The following TGFB1 variants were observed in gnomAD, a reference collection of about 807,000 sequenced individuals.
TGFB1 encodes transforming growth factor beta 1, also known as transforming growth factor beta-1 proprotein.
In TGFB1, 19 loss-of-function variants were observed where a neutral mutation model predicts 43.8. The ratio of observed to expected loss-of-function variants is 0.43; its 90% CI spans 0.30 to 0.64. The LOEUF is 0.64. TGFB1 is among the 30% of genes least tolerant of loss of function. The pLI is 0.11. For synonymous variants in TGFB1, 221 were observed against 236.3 expected (o/e 0.94, Z 0.60); for missense variants, 445 against 529.8 (o/e 0.84, Z 1.57).
At chr19:41,331,952 C>T (rs1003867513) in intron 6 of TGFB1, 176 bp downstream of exon 6, 18 of 861,542 alleles carry the variant, frequency 2.1e-5, no homozygotes, top group African/African-American at 1.2e-4. Flanking sequence ...CTCAGAGCCC[C>T]TCTCTAGCTT....
intron 3 of TGFB1, among the ~76,000 whole-genome samples, chr19:41,343,685 A>G (rs1010065971): frequency 6.6e-6 from 1 of 152,060 alleles, no homozygotes; most frequent in Non-Finnish European, 1.5e-5. Context: ...CCTTGACAAG[A>G]TCTCTTAGGT....
At chr19:41,342,390 C>CTTT (rs55678429) in intron 3 of TGFB1, 143 bp from the exon 4 acceptor site, 27 of 432,286 alleles carry the variant, frequency 6.2e-5, no homozygotes, top group Middle Eastern at 6.5e-4. Context: ...GCAGCTCTCT[C>CTTT]TTTTTTTTTT....
chr19:41,331,315 G>A, intron 6 of TGFB1, 105 bp from the exon 7 acceptor site: 2 of 1,335,792 alleles, frequency 1.5e-6, no homozygotes, highest in Non-Finnish European at 2.0e-6. Context: ...CTCTCACTTC[G>A]TCTCTCCCCG....
At chr19:41,338,496 CA>C (rs377737422) in intron 5 of TGFB1, among the ~76,000 whole-genome samples, 1,709 of 119,566 alleles carry the variant, frequency 0.014, 26 homozygotes, top group African/African-American at 0.041. Context: ...AACTCCGTCT[CA>C]AAAAAAAAAA....
At chr19:41,332,493 T>C (rs1416369465) in intron 5 of TGFB1, among the ~76,000 whole-genome samples, 1 of 152,132 alleles carries the variant, frequency 6.6e-6, no homozygotes, top group East Asian at 1.9e-4. Flanking sequence ...CTAAGAGCAA[T>C]GTAATAATTA....
intron 1 of TGFB1, 86 bp from the exon 2 acceptor site, chr19:41,348,541 T>C (rs2038144468): frequency 7.3e-7 from 1 of 1,367,400 alleles, no homozygotes; most frequent in Non-Finnish European, 1.0e-6. Flanking sequence ...GTTTTGGAGC[T>C]GACAGCTCTG....
At chr19:41,340,360 G>A (rs1204946046) in intron 5 of TGFB1, among the ~76,000 whole-genome samples, 1 of 150,354 alleles carries the variant, frequency 6.7e-6, no homozygotes, top group East Asian at 1.9e-4. Context: ...AGGTTCCAGT[G>A]ATTCTCCTGC....
At position 41,331,181 on chromosome 19, in the gene TGFB1, C is replaced by G; in HGVS notation, c.1044G>C (p.Pro348=). The change falls in exon 7 of 7, where the codon CCG becomes CCC. Residue 348 remains proline (P), a synonymous_variant. Transcript: ENST00000221930. ...CGCAGCACGGCGCCGCCGAGGCGCC[C>G]GGGTTATGCTGGTTGTACAGGGCCA... ...KVLALYNQHN[P]GASAAPCCVP... 6.5e-7 allele frequency: 1 copy of G among 1,545,840 alleles called. No homozygotes were observed. The highest frequency in any genetic ancestry group is 8.7e-7 in the Non-Finnish European group (1 of 1,147,966).
At chr19:41,338,657 G>A (rs965238777) in intron 5 of TGFB1, among the ~76,000 whole-genome samples, 5 of 151,814 alleles carry the variant, frequency 3.3e-5, no homozygotes, top group African/African-American at 9.7e-5. Context: ...TGGGCAATAC[G>A]GTGAAACCCC....
intron 5 of TGFB1, among the ~76,000 whole-genome samples, chr19:41,338,409 G>C (rs1428040989): frequency 1.3e-5 from 2 of 150,698 alleles, no homozygotes; most frequent in East Asian, 3.9e-4. Flanking sequence ...CAGGAGAATT[G>C]CTTGAACCCC....
rs752156601 is a variant in TGFB1, at chr19:41,348,464, G to A, written c.356-9C>T. ...GAACTTGTCATAGATTTCTAGCAGGGAGAAATGAAGGGAGGCGATCAGGGG... is the reference window on the plus strand; with the variant it reads ...GAACTTGTCATAGATTTCTAGCAGGAAGAAATGAAGGGAGGCGATCAGGGG... On this transcript the variant is annotated splice_polypyrimidine_tract_variant and intron_variant, in intron 1 of 6. Transcript: ENST00000221930. 6.2e-7 allele frequency: 1 copy of A among 1,612,066 alleles called. No homozygotes were observed.
intron 6 of TGFB1, 113 bp from the exon 7 acceptor site, chr19:41,331,323 C>T: frequency 7.8e-7 from 1 of 1,277,200 alleles, no homozygotes; most frequent in Non-Finnish European, 1.0e-6. Context: ...TCGTCTCTCC[C>T]CGCATCCCCT....
At chr19:41,348,600 T>G in intron 1 of TGFB1, 145 bp from the exon 2 acceptor site, 1 of 289,862 alleles carries the variant, frequency 3.4e-6, no homozygotes, top group South Asian at 7.8e-5. Context: ...TATTTATTTA[T>G]TTATTTATTT....
Position 41,345,866 on chromosome 19 carries a change from C to T in TGFB1, c.517-1002G>A, listed in dbSNP as rs147100533. On this transcript the variant is annotated intron_variant, in intron 2 of 6. Transcript: ENST00000221930. ...GCAGTGAGCCGAGATTGCACCACTG[C>T]ACTCTAGCCAGGGTGACAGAGTGAG... Among the ~76,000 whole-genome samples the T allele has an allele frequency of 8.0e-3, 1,218 of 151,900 alleles. 13 individuals are homozygous for T. The highest frequency in any genetic ancestry group is 0.028 in the African/African-American group (1,155 of 41,404).
In TGFB1 at chr19:41,332,242, A is replaced by T; in HGVS notation, c.900T>A (p.Ile300=). 6.2e-7 allele frequency: 1 copy of T among 1,614,106 alleles called. No homozygotes were observed. The highest frequency in any genetic ancestry group is 2.2e-5 in the East Asian group (1 of 44,878). ...EKNCCVRQLY[I]DFRKDLGWKW... is the part of the protein sequence containing the mutation. Reference sequence around the variant, plus strand: ...TCCAGCCGAGGTCCTTGCGGAAGTCAATGTACAGCTGCCGCACGCAGCAGT... The same window carrying T: ...TCCAGCCGAGGTCCTTGCGGAAGTCTATGTACAGCTGCCGCACGCAGCAGT... The change falls in exon 6 of 7, where the codon ATT becomes ATA. Residue 300 remains isoleucine, a synonymous_variant. Coordinates refer to ENST00000221930, the MANE Select transcript of TGFB1 (RefSeq NM_000660.7).
rs945442765 is a variant in TGFB1 at position 41,350,552 on chromosome 19, C to G, written c.356-2097G>C. On this transcript the variant is annotated intron_variant, in intron 1 of 6. Transcript: ENST00000221930. The stretch of plus-strand genomic sequence containing the variant: ...CCAACTCCTGACCTCAGGTGGTCCA[C>G]CCACCTTGGCCTCCCAAAGTGCTGG... Among the ~76,000 whole-genome samples the G allele has an allele frequency of 2.0e-5, 3 of 152,104 alleles. No homozygotes were observed. In the South Asian group the frequency reaches 6.2e-4, roughly 31 times the overall value.
In TGFB1 at chr19:41,332,383, C is replaced by G. The variant is rs147219478; in HGVS notation, c.861-102G>C. On this transcript the variant is annotated intron_variant, in intron 5 of 6. Coordinates refer to ENST00000221930, the MANE Select transcript of TGFB1 (RefSeq NM_000660.7). ...CGTGTGTCACCCTAGGTTGCCCCCC[C>G]AGCCCTATCTCCATCTGGGTCTCCC... 3,382 of 1,398,222 alleles carry G rather than the reference C, an allele frequency of 2.4e-3. 62 individuals are homozygous for G. In the African/African-American group the frequency reaches 0.042, roughly 17 times the overall value. The allele number at this position is 1,398,222 out of a possible 1,614,324, so 86.6% of individuals were successfully genotyped here. A position where few individuals can be genotyped will look rare whatever the true frequency, so the allele number is the denominator to read the frequency against.
At chr19:41,335,579 C>T (rs935331919) in intron 5 of TGFB1, among the ~76,000 whole-genome samples, 1 of 152,204 alleles carries the variant, frequency 6.6e-6, no homozygotes, top group Non-Finnish European at 1.5e-5. Flanking sequence ...CCGTGTTGAA[C>T]AAGCCGTCTA....
intron 2 of TGFB1, among the ~76,000 whole-genome samples, chr19:41,345,445 C>T (rs1205450282): frequency 6.6e-6 from 1 of 151,980 alleles, no homozygotes; most frequent in Non-Finnish European, 1.5e-5. Context: ...TGCAGTGAGC[C>T]AAGATCACGC....
Sources: allele counts gnomAD v4.1 joint callset (sites outside exome capture counted in the v4.1 genomes callset), GRCh38; gene constraint gnomAD v4.1.1; transcripts MANE v1.5; gene names NCBI Gene and HGNC (gene_info 2026-07-23, HGNC 2026-07-21).